The following RAB11FIP3 variants were observed in gnomAD, a reference collection of about 807,000 sequenced individuals.
RAB11FIP3 encodes RAB11 family interacting protein 3, also known as rab11 family-interacting protein 3.
RAB11FIP3 carries 17 observed loss-of-function variants against 77.8 expected under a neutral mutation model. The observed-to-expected ratio is 0.22, with a 90% CI of 0.15 to 0.33. The LOEUF (loss-of-function observed/expected upper bound fraction) is 0.33, where lower values mean the gene tolerates loss of function less well. RAB11FIP3 is among the 10% of genes least tolerant of loss of function. RAB11FIP3 has a pLI of 1.00. For missense variants in RAB11FIP3, 1,005 were observed against 1,011.2 expected (o/e 0.99, Z 0.08); for synonymous variants, 437 against 448.2 (o/e 0.98, Z 0.31).
intron 1 of RAB11FIP3, among the ~76,000 whole-genome samples, chr16:433,319 C>G (rs998689514): frequency 3.5e-5 from 5 of 143,892 alleles, no homozygotes; most frequent in African/African-American, 5.1e-5. Flanking sequence ...GCGTGAGCCA[C>G]CGCTCATTGC....
rs1347589056 is a variant in RAB11FIP3 at position 492,463 on chromosome 16, GA to G, written c.1265+3464del. Reference sequence around the variant, plus strand: ...GAGGCCGCCCAGGGCCCTTCCCGGGGAGACCCGAGGCCGCCCAGGGCCCTCC... The same window carrying G: ...GAGGCCGCCCAGGGCCCTTCCCGGGGGACCCGAGGCCGCCCAGGGCCCTCC... On this transcript the variant is annotated intron_variant, in intron 5 of 13. Transcript: ENST00000262305. Among the ~76,000 whole-genome samples the G allele has an allele frequency of 2.6e-4, 27 of 105,432 alleles. 1 individual carries two copies. The highest frequency in any genetic ancestry group is 8.9e-3 in the Middle Eastern group (1 of 112). 69.2% of individuals were successfully genotyped at this position (105,432 alleles called of 152,430 possible). A position where few individuals can be genotyped will look rare whatever the true frequency, so the allele number is the denominator to read the frequency against.
intron 5 of RAB11FIP3, 42 bp downstream of exon 5, chr16:489,042 C>G (rs1048972587): frequency 6.3e-7 from 1 of 1,592,946 alleles, no homozygotes; most frequent in Non-Finnish European, 8.6e-7. Context: ...CCCTCTTCTT[C>G]CCGTGGTTAG....
chr16:439,373 A>G (rs757394337), intron 1 of RAB11FIP3: 6 of 152,244 alleles, frequency 3.9e-5, no homozygotes, highest in African/African-American at 9.6e-5. Context: ...AGTTAGTTGT[A>G]AACACCACTG....
chr16:517,995 T>C (rs2141905010), intron 9 of RAB11FIP3, among the ~76,000 whole-genome samples: 1 of 152,298 alleles, frequency 6.6e-6, no homozygotes, highest in African/African-American at 2.4e-5. Flanking sequence ...GGCAGGAGAA[T>C]GGCGTGAACC....
At chr16:427,710 T>C (rs1401054274) in intron 1 of RAB11FIP3, among the ~76,000 whole-genome samples, 2 of 152,192 alleles carry the variant, frequency 1.3e-5, no homozygotes, top group East Asian at 1.9e-4. Flanking sequence ...ATCTGGTAAG[T>C]GGGTGTTCAA....
intron 1 of RAB11FIP3, chr16:453,306 C>T (rs1249144351): frequency 1.3e-5 from 2 of 152,192 alleles, no homozygotes. Context: ...AATCTCCTGA[C>T]TTCGTGATCC....
intron 5 of RAB11FIP3, among the ~76,000 whole-genome samples, chr16:492,459 CG>C (rs35752325): frequency 0.16 from 7,548 of 46,754 alleles, 1,024 homozygotes; most frequent in African/African-American, 0.3. Flanking sequence ...GGGCCCTTCC[CG>C]GGGAGACCCG....
chr16:482,468 C>T (rs1596255774), intron 3 of RAB11FIP3, 57 bp from the exon 4 acceptor site: 11 of 1,511,058 alleles, frequency 7.3e-6, no homozygotes, highest in East Asian at 4.5e-5. Flanking sequence ...AGGTGTGGGG[C>T]GTTCGCAGTT....
At position 431,590 on chromosome 16, in the gene RAB11FIP3, G is replaced by T. The variant is rs1471819435; in HGVS notation, c.714+4870G>T. On this transcript the variant is annotated intron_variant, in intron 1 of 13. Transcript: ENST00000262305. Reference sequence around the variant, plus strand: ...GGGTTTCGCCGTGTTGACTAGGCTGGTCTCGAACACCAGACCTCAAGTGAT... The same window carrying T: ...GGGTTTCGCCGTGTTGACTAGGCTGTTCTCGAACACCAGACCTCAAGTGAT... 3.3e-5 allele frequency among the ~76,000 whole-genome samples: 5 copies of T among 152,038 alleles called. No homozygotes were observed. The South Asian group carries it at 1.0e-3, about 32-fold the overall frequency.
intron 8 of RAB11FIP3, chr16:510,352 C>T (rs1415881659): frequency 6.2e-6 from 2 of 324,500 alleles, no homozygotes; most frequent in Non-Finnish European, 5.7e-6. Context: ...ACCTGGCGGG[C>T]TCAGGCCCTC....
At position 494,067 on chromosome 16, in the gene RAB11FIP3, C is replaced by G. The variant is rs1470080896; in HGVS notation, c.1266-2757C>G. Among the ~76,000 whole-genome samples the G allele has an allele frequency of 3.2e-5, 2 of 61,674 alleles. 1 individual carries two copies. Among genetic ancestry groups the G allele is most frequent in the Non-Finnish European group, 6.1e-5 (2 of 32,858 alleles). The allele number at this position is 61,674 out of a possible 152,430, so 40.5% of individuals were successfully genotyped here. ...TACAGGCGCCCATCACCACACCTGG[C>G]TAACTTTTGTATTTTTAGTAGACAC... On this transcript the variant is annotated intron_variant, in intron 5 of 13. Transcript: ENST00000262305.
chr16:475,201 C>T, intron 3 of RAB11FIP3: 2 of 1,307,002 alleles, frequency 1.5e-6, no homozygotes, highest in Non-Finnish European at 2.0e-6. Flanking sequence ...GTTGGCCCCA[C>T]TTGAGTTACT....
intron 1 of RAB11FIP3, among the ~76,000 whole-genome samples, chr16:458,644 C>G (rs550814023): frequency 3.2e-5 from 4 of 123,872 alleles, no homozygotes; most frequent in Non-Finnish European, 7.2e-5. Context: ...GCCTGAGGCC[C>G]TAGGGTTTTG....
intron 6 of RAB11FIP3, among the ~76,000 whole-genome samples, chr16:497,665 T>A (rs764635460): frequency 1.8e-4 from 28 of 152,158 alleles, no homozygotes; most frequent in Non-Finnish European, 3.4e-4. Context: ...TTTCGGGGGT[T>A]GGATCCTCTA....
intron 9 of RAB11FIP3, among the ~76,000 whole-genome samples, chr16:516,868 ATAAAT>A (rs1308456688): frequency 2.0e-5 from 3 of 152,360 alleles, no homozygotes; most frequent in Admixed American, 6.5e-5. Flanking sequence ...ATAAAATAAA[ATAAAT>A]AAATAGAGAA....
intron 1 of RAB11FIP3, among the ~76,000 whole-genome samples, chr16:446,014 A>G (rs563482324): frequency 6.4e-4 from 98 of 152,244 alleles, no homozygotes; most frequent in Admixed American, 7.9e-4. Context: ...AGGGTGCATC[A>G]TAGAATTTGG....
At position 471,422 on chromosome 16, in the gene RAB11FIP3, G is replaced by C. The variant is rs748888699; in HGVS notation, c.903+33G>C. 6.6e-7 allele frequency: 1 copy of C among 1,519,666 alleles called. No homozygotes were observed. Among genetic ancestry groups the C allele is most frequent in the Non-Finnish European group, 9.1e-7 (1 of 1,103,618 alleles). The allele number at this position is 1,519,666 out of a possible 1,614,324, so 94.1% of individuals were successfully genotyped here. On this transcript the variant is annotated intron_variant, in intron 3 of 13. Transcript: ENST00000262305. This position sits in a 1 kb window ranked among gnomAD's most constrained non-coding sequence, Gnocchi z 4.4. Reference sequence around the variant, plus strand: ...GTTTTCACCCAGGAGCTTGGGGGAAGTCTGGCATCCACCTCTTCCTTTATG... The same window carrying C: ...GTTTTCACCCAGGAGCTTGGGGGAACTCTGGCATCCACCTCTTCCTTTATG...
chr16:493,414 C>G (rs2030782331), intron 5 of RAB11FIP3, among the ~76,000 whole-genome samples: 1 of 152,110 alleles, frequency 6.6e-6, no homozygotes, highest in Non-Finnish European at 1.5e-5. Flanking sequence ...TGAAAGTAAG[C>G]TTATTTGGTC....
At chr16:446,848 A>G (rs1202852111) in intron 1 of RAB11FIP3, among the ~76,000 whole-genome samples, 1 of 151,924 alleles carries the variant, frequency 6.6e-6, no homozygotes, top group Non-Finnish European at 1.5e-5. Context: ...TTACAGGCAC[A>G]TGCCTCCGTG....
Sources: gnomAD v4.1 joint callset for allele counts (sites outside exome capture counted in the v4.1 genomes callset) on GRCh38, gnomAD v4.1.1 for gene constraint, Gnocchi (gnomAD v3.1) non-coding constraint, MANE v1.5 for transcripts, NCBI Gene and HGNC (gene_info 2026-07-23, HGNC 2026-07-21) for gene names.